Variants in ABHD6 observed in about 807,000 individuals in gnomAD.
ABHD6 encodes the protein monoacylglycerol lipase ABHD6.
ABHD6 carries 33 observed loss-of-function variants against 38.8 expected under a neutral mutation model. The ratio of observed to expected loss-of-function variants is 0.85; its 90% CI spans 0.64 to 1.14. ABHD6 has a LOEUF of 1.14. Among genes scored for constraint, ABHD6 ranks in the 50% most tolerant of loss-of-function variants. The pLI, the probability that ABHD6 is intolerant of heterozygous loss-of-function variation, is 0.00. For missense variants in ABHD6, 380 were observed against 422.6 expected, an observed-to-expected ratio of 0.90 and a Z score of 0.88; for synonymous variants, 147 against 161.6, an observed-to-expected ratio of 0.91 and a Z score of 0.69.
chr3:58,270,214 A>G (rs1286836458), intron 5 of ABHD6, among the ~76,000 whole-genome samples: 8 of 152,172 alleles, frequency 5.3e-5, no homozygotes, highest in Non-Finnish European at 1.0e-4. Flanking sequence ...AGTTATATGA[A>G]TGGATGGTCA....
At chr3:58,284,028 G>A (rs1184170694) in intron 7 of ABHD6, among the ~76,000 whole-genome samples, 10 of 152,208 alleles carry the variant, frequency 6.6e-5, no homozygotes, top group Non-Finnish European at 1.0e-4. Flanking sequence ...CTGAGAGAGT[G>A]TAATTAAAGG....
At position 58,256,508 on chromosome 3, in the gene ABHD6, C is replaced by A; in HGVS notation, c.-25-54C>A. On this transcript the variant is annotated intron_variant, in intron 2 of 9. Transcript: ENST00000478253. The surrounding 1 kb of genome is among the most constrained non-coding windows in gnomAD (Gnocchi z 4.3). ...TTTCTTGTCCCCTTTACTTCTTCGC[C>A]TTTTTTCCTTTGATACAGAGTTTTA... is the stretch of plus-strand genomic sequence containing the variant. 1.8e-6 allele frequency: 2 copies of A among 1,103,380 alleles called. No individual in the cohort carries two copies. The highest frequency in any genetic ancestry group is 1.3e-6 in the Non-Finnish European group (1 of 750,518). 68.3% of individuals were successfully genotyped at this position (1,103,380 alleles called of 1,614,324 possible). A position where few individuals can be genotyped will look rare whatever the true frequency, so the allele number is the denominator to read the frequency against.
intron 9 of ABHD6, among the ~76,000 whole-genome samples, chr3:58,286,444 A>C (rs9864859): frequency 0.78 from 118,895 of 151,998 alleles, 47,262 homozygotes; most frequent in East Asian, 1. Flanking sequence ...GCATGAGCCA[A>C]CATGCTTGGC....
intron 7 of ABHD6, among the ~76,000 whole-genome samples, chr3:58,277,309 TCTC>T (rs1451063962): frequency 2.0e-5 from 3 of 152,168 alleles, no homozygotes; most frequent in African/African-American, 7.2e-5. Context: ...GGTTTGTAGT[TCTC>T]CTTGAAGAGG....
chr3:58,237,974 A>C (rs1264003533), intron 1 of ABHD6, 58 bp downstream of exon 1: 1 of 152,444 alleles, frequency 6.6e-6, no homozygotes, highest in Non-Finnish European at 1.5e-5. Context: ...GGGCGCCCTG[A>C]TGGCCCCGTG....
At chr3:58,279,388 A>G (rs2097451216) in intron 7 of ABHD6, among the ~76,000 whole-genome samples, 1 of 151,900 alleles carries the variant, frequency 6.6e-6, no homozygotes, top group South Asian at 2.1e-4. Context: ...TTGTTGGTTT[A>G]AAGTCTGTTT....
intron 6 of ABHD6, 136 bp from the exon 7 acceptor site, chr3:58,274,522 C>G (rs1341115546): frequency 5.5e-6 from 5 of 913,322 alleles, no homozygotes; most frequent in Non-Finnish European, 6.4e-6. Context: ...ATGGCAGTAC[C>G]AACAAAAAAG....
chr3:58,286,862 A>ATATG (rs2097457682), intron 9 of ABHD6, among the ~76,000 whole-genome samples: 1 of 122,950 alleles, frequency 8.1e-6, no homozygotes, highest in Non-Finnish European at 1.7e-5. Context: ...GTATATATAT[A>ATATG]TATATATGTA....
At chr3:58,239,754 G>A (rs1279747469) in intron 1 of ABHD6, among the ~76,000 whole-genome samples, 2 of 152,078 alleles carry the variant, frequency 1.3e-5, no homozygotes, top group Non-Finnish European at 2.9e-5. Context: ...TGTCCTTAGA[G>A]GTGATCCTGG....
chr3:58,276,297 T>G (rs1255712899), intron 7 of ABHD6, among the ~76,000 whole-genome samples: 1 of 152,254 alleles, frequency 6.6e-6, no homozygotes, highest in Non-Finnish European at 1.5e-5. Flanking sequence ...GACTTTTTAA[T>G]GATTGCCATT....
In ABHD6 at chr3:58,293,504, G is replaced by A. The variant is rs1185471144; in HGVS notation, c.838-85G>A. 6.8e-7 allele frequency: 1 copy of A among 1,466,330 alleles called. No individual in the cohort carries two copies. Among genetic ancestry groups the A allele is most frequent in the South Asian group, 1.3e-5 (1 of 77,558 alleles). The allele number at this position is 1,466,330 out of a possible 1,614,324, so 90.8% of individuals were successfully genotyped here. A position where few individuals can be genotyped will look rare whatever the true frequency, so the allele number is the denominator to read the frequency against. ...CTCCTGCCCCACTGACCCCTGCCAG[G>A]CCTTGGTGGAAGTTCTGTCCACAGA... On this transcript the variant is annotated intron_variant, in intron 9 of 9. Transcript: ENST00000478253. The surrounding 1 kb of genome is among the most constrained non-coding windows in gnomAD (Gnocchi z 4.4).
intron 1 of ABHD6, among the ~76,000 whole-genome samples, chr3:58,242,659 T>C (rs2097423616): frequency 6.6e-6 from 1 of 152,236 alleles, no homozygotes; most frequent in South Asian, 2.1e-4. Flanking sequence ...GGCAAAGATG[T>C]GGTCAGACTT....
In ABHD6 at chr3:58,265,149, T is replaced by G. The variant is rs11717700; in HGVS notation, c.120-2040T>G. Among the ~76,000 whole-genome samples, 4 of 152,188 alleles carry G rather than the reference T, an allele frequency of 2.6e-5. No homozygotes were observed. The highest frequency in any genetic ancestry group is 5.9e-5 in the Non-Finnish European group (4 of 68,034). On this transcript the variant is annotated intron_variant, in intron 3 of 9. Transcript: ENST00000478253. The surrounding 1 kb of genome is among the most constrained non-coding windows in gnomAD (Gnocchi z 4.2). The stretch of plus-strand genomic sequence containing the variant: ...CCCATAAATAAGTGAGAGCATGTGA[T>G]GTTTGTCTTTCTGTGTCTGGCTTAC...
At chr3:58,286,846 G>GTATATATATATATATATA (rs57921434) in intron 9 of ABHD6, among the ~76,000 whole-genome samples, 6 of 90,218 alleles carry the variant, frequency 6.7e-5, no homozygotes, top group Middle Eastern at 5.6e-3. Context: ...GTGTGTGTGT[G>GTATATATATATATATATA]TGTGTGTATA....
At chr3:58,250,165 G>C (rs2097428968) in intron 2 of ABHD6, among the ~76,000 whole-genome samples, 1 of 152,172 alleles carries the variant, frequency 6.6e-6, no homozygotes, top group Admixed American at 6.5e-5. Flanking sequence ...GAAAGACTAT[G>C]TGGGGGAACC....
chr3:58,285,748 G>A lies in ABHD6; in HGVS notation c.837+295G>A, dbSNP rs901033511. On this transcript the variant is annotated intron_variant, in intron 9 of 9. Transcript: ENST00000478253. The surrounding 1 kb of genome is among the most constrained non-coding windows in gnomAD (Gnocchi z 4.9). Reference sequence around the variant, plus strand: ...AAAGATCTTCAAAGAACACCAAAAGGTTTATAATGAAAACTTTTCTTTTTC... The same window carrying A: ...AAAGATCTTCAAAGAACACCAAAAGATTTATAATGAAAACTTTTCTTTTTC... 1.8e-4 allele frequency among the ~76,000 whole-genome samples: 28 copies of A among 152,150 alleles called. No individual in the cohort carries two copies. The highest frequency in any genetic ancestry group is 6.3e-4 in the African/African-American group (26 of 41,434).
Position 58,287,270 on chromosome 3 carries a change from C to T in ABHD6, c.837+1817C>T, listed in dbSNP as rs113118337. Among the ~76,000 whole-genome samples the T allele has an allele frequency of 6.6e-5, 10 of 151,984 alleles. No individual in the cohort carries two copies. The highest frequency in any genetic ancestry group is 5.8e-4 in the East Asian group (3 of 5,150). ...CTGCACACCAGCCTGGGCCACAGGG[C>T]GGGATCCTATCTCAAAAAAATAAAA... On this transcript the variant is annotated intron_variant, in intron 9 of 9. Transcript: ENST00000478253. This position sits in a 1 kb window ranked among gnomAD's most constrained non-coding sequence, Gnocchi z 4.7.
chr3:58,261,015 T>C (rs564373073), intron 3 of ABHD6, among the ~76,000 whole-genome samples: 1 of 152,160 alleles, frequency 6.6e-6, no homozygotes, highest in East Asian at 1.9e-4. Flanking sequence ...TCAACATGAG[T>C]CAACAGAGAG....
In ABHD6 at chr3:58,265,397, G is replaced by A. The variant is rs140233813; in HGVS notation, c.120-1792G>A. Among the ~76,000 whole-genome samples the A allele has an allele frequency of 1.7e-3, 253 of 152,256 alleles. No individual in the cohort carries two copies. The highest frequency in any genetic ancestry group is 3.4e-3 in the Middle Eastern group (1 of 294). On this transcript the variant is annotated intron_variant, in intron 3 of 9. Transcript: ENST00000478253. This position sits in a 1 kb window ranked among gnomAD's most constrained non-coding sequence, Gnocchi z 4.2. ...TTATTAAGGATATCATTCTGCAGCT[G>A]TCATATTCATTGCAAATATTTCCCC... is the stretch of plus-strand genomic sequence containing the variant.
Sources: gnomAD v4.1 joint callset for allele counts (sites outside exome capture counted in the v4.1 genomes callset) on GRCh38, gnomAD v4.1.1 for gene constraint, Gnocchi (gnomAD v3.1) non-coding constraint, MANE v1.5 for transcripts, NCBI Gene and HGNC (gene_info 2026-07-23, HGNC 2026-07-21) for gene names.